SERINC5: variants seen among roughly 807,000 people sequenced by gnomAD.
SERINC5 encodes serine incorporator 5, also known as chromosome 5 open reading frame 12.
In SERINC5, 41 loss-of-function variants were observed where a neutral mutation model predicts 63.1. That is an observed-to-expected ratio of 0.65 (90% confidence interval 0.51 to 0.84). The LOEUF is 0.84. Among genes scored for constraint, SERINC5 ranks in the 40% least tolerant of loss-of-function variants. The pLI is 0.00. For missense variants in SERINC5, 523 were observed against 573.0 expected (o/e 0.91, Z 0.89); for synonymous variants, 222 against 215.2 (o/e 1.03, Z -0.28).
intron 1 of SERINC5, among the ~76,000 whole-genome samples, chr5:80,219,000 A>T (rs150905452): frequency 6.6e-6 from 1 of 152,374 alleles, no homozygotes; most frequent in East Asian, 1.9e-4. Flanking sequence ...CCTGTTCTTT[A>T]GGATTCAGTG....
chr5:80,137,263 G>C (rs1386390173), downstream of SERINC5, among the ~76,000 whole-genome samples: 1 of 150,864 alleles, frequency 6.6e-6, no homozygotes, highest in East Asian at 2.0e-4. Flanking sequence ...GTATGTCAAA[G>C]AGATATCCAT....
chr5:80,251,688 C>T (rs1752428910), intron 1 of SERINC5, among the ~76,000 whole-genome samples: 1 of 151,246 alleles, frequency 6.6e-6, no homozygotes, highest in Non-Finnish European at 1.5e-5. Context: ...CAAGATTGCG[C>T]CACTGCACTC....
rs1202387423 is a variant in SERINC5 at position 80,143,055 on chromosome 5, G to A, written c.*608C>T. ...GGGAAGGGTGCAGGCAGAGAGTGAA[G>A]TCTGTGATTCCCAGCATCACAACCT... On this transcript the variant is annotated 3_prime_UTR_variant, in exon 12 of 12. Coordinates refer to ENST00000507668, the MANE Select transcript of SERINC5 (RefSeq NM_001174072.3). 2 of 985,354 alleles carry A rather than the reference G, an allele frequency of 2.0e-6. No individual in the cohort carries two copies. The highest frequency in any genetic ancestry group is 1.7e-5 in the African/African-American group (1 of 57,228). The allele number at this position is 985,354 out of a possible 1,614,324, so 61.0% of individuals were successfully genotyped here.
chr5:80,117,327 A>G (rs1324636056), intron 11 of SERINC5, among the ~76,000 whole-genome samples: 2 of 152,136 alleles, frequency 1.3e-5, no homozygotes, highest in African/African-American at 2.4e-5. Context: ...ATAGGCAAAT[A>G]TTGGCACCTA....
In SERINC5 at chr5:80,166,466, G is replaced by C. The variant is rs1373117689; in HGVS notation, c.776C>G (p.Ser259Trp). The C allele has an allele frequency of 1.3e-6, 2 of 1,586,146 alleles. No individual in the cohort carries two copies. The highest frequency in any genetic ancestry group is 2.7e-5 in the African/African-American group (2 of 74,340). The change falls in exon 7 of 12, where the codon TCG becomes TGG. Residue 259 changes from serine to tryptophan, a missense_variant. By Grantham distance (177) the Ser-to-Trp change is radical. Transcript: ENST00000507668. ...TATGACCCCTGATTGTAAGAGCCCC[G>C]AGTGTGGCTGTCCTGAAAAGTGACA... ...SPWVQNRQPH[S>W]GLLQSGVISC...
At chr5:80,125,685 C>T (rs570541195) in intron 11 of SERINC5, among the ~76,000 whole-genome samples, 22 of 152,118 alleles carry the variant, frequency 1.4e-4, no homozygotes, top group Middle Eastern at 3.4e-3. Context: ...TGGGGACGTC[C>T]GATGATGGGA....
rs752186814 is a variant in SERINC5 at position 80,222,561 on chromosome 5, A to AGTGTGTGTGTGTGT, written c.28-19509_28-19508insACACACACACACAC. On this transcript the variant is annotated intron_variant, in intron 1 of 11. Transcript: ENST00000507668. ...TGGGTTTTTTGTGGGTGAGTGTGTG[A>AGTGTGTGTGTGTGT]GTGTGTGAGTGTGTGTGTGTGTGTG... is the stretch of plus-strand genomic sequence containing the variant. Among the ~76,000 whole-genome samples the AGTGTGTGTGTGTGT allele has an allele frequency of 9.1e-3, 1,329 of 146,278 alleles. 26 individuals are homozygous for AGTGTGTGTGTGTGT. Among genetic ancestry groups the AGTGTGTGTGTGTGT allele is most frequent in the African/African-American group, 0.031 (1,225 of 39,066 alleles).
chr5:80,161,165 G>T (rs777405665), intron 7 of SERINC5, among the ~76,000 whole-genome samples: 5 of 151,874 alleles, frequency 3.3e-5, no homozygotes, highest in Non-Finnish European at 5.9e-5. Context: ...AAACACAGAG[G>T]TGCAGTTATC....
At chr5:80,230,820 TTCTC>T (rs1751409305) in intron 1 of SERINC5, among the ~76,000 whole-genome samples, 1 of 152,030 alleles carries the variant, frequency 6.6e-6, no homozygotes, top group Non-Finnish European at 1.5e-5. Flanking sequence ...TTTCCTTTCT[TTCTC>T]TCTTTCTTTC....
intron 11 of SERINC5, among the ~76,000 whole-genome samples, chr5:80,131,958 C>T (rs1180690429): frequency 6.6e-6 from 1 of 152,118 alleles, no homozygotes; most frequent in Non-Finnish European, 1.5e-5. Context: ...GCTTGAAATG[C>T]TCCTTCTTGG....
In SERINC5 at chr5:80,142,325, C is replaced by T; in HGVS notation, c.*1338G>A. 3 of 966,558 alleles carry T rather than the reference C, an allele frequency of 3.1e-6. No homozygotes were observed. The highest frequency in any genetic ancestry group is 3.7e-6 in the Non-Finnish European group (3 of 812,776). 59.9% of individuals were successfully genotyped at this position (966,558 alleles called of 1,614,324 possible). On this transcript the variant is annotated 3_prime_UTR_variant, in exon 12 of 12. Transcript: ENST00000507668. ...CTCGGCTCACTGCAACCTCCGCCTC[C>T]CGGGTTCAAGTGATTCTCATGCCTC...
At chr5:80,166,348 A>G (rs375644503) in intron 7 of SERINC5, 35 bp downstream of exon 7, 1 of 1,345,596 alleles carries the variant, frequency 7.4e-7, no homozygotes, top group Non-Finnish European at 1.0e-6. Flanking sequence ...AAATATTCAC[A>G]CCGCAAACAC....
At chr5:80,173,454 G>T (rs950501980) in intron 5 of SERINC5, among the ~76,000 whole-genome samples, 2 of 152,060 alleles carry the variant, frequency 1.3e-5, no homozygotes, top group East Asian at 1.9e-4. Flanking sequence ...AAATTAGCCG[G>T]GCATGGTGGC....
At chr5:80,225,570 T>C (rs939216163) in intron 1 of SERINC5, among the ~76,000 whole-genome samples, 8 of 152,214 alleles carry the variant, frequency 5.3e-5, no homozygotes, top group African/African-American at 1.9e-4. Flanking sequence ...TCCTTCTTCC[T>C]GATAGCACCC....
At chr5:80,244,708 G>C (rs1752095084) in intron 1 of SERINC5, among the ~76,000 whole-genome samples, 1 of 152,052 alleles carries the variant, frequency 6.6e-6, no homozygotes. Context: ...CGTAATCCCA[G>C]CTACTCGGGA....
chr5:80,122,566 A>C (rs1464343180), intron 11 of SERINC5, among the ~76,000 whole-genome samples: 1 of 152,200 alleles, frequency 6.6e-6, no homozygotes, highest in Non-Finnish European at 1.5e-5. Context: ...CCTCCCTGAG[A>C]AACACAAATC....
intron 11 of SERINC5, among the ~76,000 whole-genome samples, chr5:80,122,940 G>T (rs1396792747): frequency 2.0e-5 from 3 of 152,224 alleles, no homozygotes; most frequent in African/African-American, 7.2e-5. Flanking sequence ...CCAATACCTT[G>T]ATTTCCAGCC....
At chr5:80,185,415 A>C (rs948440678) in intron 2 of SERINC5, among the ~76,000 whole-genome samples, 3 of 152,206 alleles carry the variant, frequency 2.0e-5, no homozygotes, top group Admixed American at 6.5e-5. Flanking sequence ...ATTACATCAG[A>C]TAACACCTGT....
At chr5:80,166,254 C>A in intron 7 of SERINC5, 129 bp downstream of exon 7, 1 of 660,946 alleles carries the variant, frequency 1.5e-6, no homozygotes, top group East Asian at 2.9e-5. Context: ...CCAAACCCTT[C>A]CCAGCCTCTG....
Sources: allele counts gnomAD v4.1 joint callset (sites outside exome capture counted in the v4.1 genomes callset), GRCh38; gene constraint gnomAD v4.1.1; transcripts MANE v1.5; gene names NCBI Gene and HGNC (gene_info 2026-07-23, HGNC 2026-07-21).